HYAL4: variants seen among roughly 807,000 people sequenced by gnomAD.
HYAL4 encodes the protein hyaluronidase 4.
HYAL4 carries 37 observed loss-of-function variants against 35.2 expected under a neutral mutation model. The ratio of observed to expected loss-of-function variants is 1.05; its 90% CI spans 0.81 to 1.38. HYAL4 has a LOEUF of 1.38. HYAL4 is among the 40% of genes most tolerant of loss of function. The probability of loss-of-function intolerance (pLI) is 0.00; values close to 1 mark genes in which losing one functional copy is unlikely to be tolerated. For missense variants in HYAL4, 572 were observed against 572.4 expected (o/e 1.00, Z 0.01); for synonymous variants, 198 against 203.2 (o/e 0.97, Z 0.22).
upstream of HYAL4, among the ~76,000 whole-genome samples, chr7:123,828,465 T>G (rs1165332986): frequency 1.0e-5 from 1 of 96,714 alleles, no homozygotes; most frequent in Non-Finnish European, 2.4e-5. Context: ...CACACACACC[T>G]CTAAAAACTT....
At chr7:123,834,284 T>A (rs1487987671) in intron 1 of HYAL4, among the ~76,000 whole-genome samples, 1 of 152,194 alleles carries the variant, frequency 6.6e-6, no homozygotes, top group African/African-American at 2.4e-5. Context: ...TAATTTTCCT[T>A]GTAGAGGTCT....
chr7:123,860,919 G>T (rs1412832372), intron 2 of HYAL4, among the ~76,000 whole-genome samples: 2 of 152,114 alleles, frequency 1.3e-5, no homozygotes, highest in African/African-American at 2.4e-5. Context: ...ATAGATGATA[G>T]GTTGCCATTT....
At chr7:123,857,693 C>CTTTGTTTGTTTG (rs1472434512) in intron 2 of HYAL4, among the ~76,000 whole-genome samples, 2 of 124,354 alleles carry the variant, frequency 1.6e-5, no homozygotes, top group East Asian at 4.0e-4. Flanking sequence ...TTCTTTCTTT[C>CTTTGTTTGTTTG]TTTCTTTCTT....
the HYAL4 span, among the ~76,000 whole-genome samples, chr7:123,764,479 C>T: frequency 6.6e-6 from 1 of 152,064 alleles, no homozygotes; most frequent in South Asian, 2.1e-4. Context: ...TACATGTCCC[C>T]GAATATGTAT....
chr7:123,810,441 T>C, the HYAL4 span, among the ~76,000 whole-genome samples: 1 of 152,210 alleles, frequency 6.6e-6, no homozygotes, highest in African/African-American at 2.4e-5. Context: ...GTTTCTAGGA[T>C]TTTCTATTAC....
At chr7:123,812,491 A>G in the HYAL4 span, among the ~76,000 whole-genome samples, 1,868 of 152,282 alleles carry the variant, frequency 0.012, 34 homozygotes, top group African/African-American at 0.043. Flanking sequence ...TAATTTTTCC[A>G]TAGGCTAGCT....
Position 123,871,228 on chromosome 7 carries a change from G to C in HYAL4, c.954+2001G>C, listed in dbSNP as rs190465221. 2.3e-4 allele frequency among the ~76,000 whole-genome samples: 33 copies of C among 144,342 alleles called. No individual in the cohort carries two copies. The East Asian group carries it at 5.3e-3, about 23-fold the overall frequency. 94.7% of individuals were successfully genotyped at this position (144,342 alleles called of 152,430 possible). ...TTTTTTTTAGATGGAGTTTCCCTCT[G>C]TCTCCCAGGCTGGAGTGCAGTGGCG... On this transcript the variant is annotated intron_variant, in intron 3 of 4. Transcript: ENST00000223026.
At chr7:123,833,691 C>T (rs1232920980) in intron 1 of HYAL4, among the ~76,000 whole-genome samples, 1 of 152,012 alleles carries the variant, frequency 6.6e-6, no homozygotes, top group Non-Finnish European at 1.5e-5. Flanking sequence ...CCAATGTTAT[C>T]TTCTGGAATT....
chr7:123,789,295 A>G, the HYAL4 span, among the ~76,000 whole-genome samples: 1 of 152,326 alleles, frequency 6.6e-6, no homozygotes, highest in Admixed American at 6.5e-5. Flanking sequence ...ATTTTCAGCT[A>G]GAGGAATTGA....
intron 2 of HYAL4, among the ~76,000 whole-genome samples, chr7:123,864,049 T>C (rs908983053): frequency 2.0e-5 from 3 of 152,170 alleles, no homozygotes; most frequent in African/African-American, 7.2e-5. Context: ...GGTGAGGTGC[T>C]TGAGCCGACC....
upstream of HYAL4, among the ~76,000 whole-genome samples, chr7:123,840,547 G>A (rs2116915342): frequency 6.6e-6 from 1 of 152,068 alleles, no homozygotes; most frequent in South Asian, 2.1e-4. Flanking sequence ...GCTTGATGGG[G>A]ATGGCATTGA....
intron 3 of HYAL4, among the ~76,000 whole-genome samples, chr7:123,870,702 G>A (rs1806854850): frequency 6.6e-6 from 1 of 151,410 alleles, no homozygotes; most frequent in Non-Finnish European, 1.5e-5. Flanking sequence ...AGAGGTTGCA[G>A]TGAGCCGAGA....
At chr7:123,849,088 A>G (rs1806238020) in intron 2 of HYAL4, among the ~76,000 whole-genome samples, 1 of 152,228 alleles carries the variant, frequency 6.6e-6, no homozygotes, top group Non-Finnish European at 1.5e-5. Context: ...AAATCATTCA[A>G]CCTGTTAAAG....
At chr7:123,771,763 C>T in the HYAL4 span, among the ~76,000 whole-genome samples, 8 of 147,766 alleles carry the variant, frequency 5.4e-5, 1 homozygote, top group Admixed American at 5.4e-4. Context: ...ATGAGATTAG[C>T]GTTTGTTTTC....
chr7:123,798,220 C>T, the HYAL4 span, among the ~76,000 whole-genome samples: 1 of 152,162 alleles, frequency 6.6e-6, no homozygotes, highest in Non-Finnish European at 1.5e-5. Context: ...TGTTTAAAGT[C>T]ACTCTTGTGT....
At chr7:123,871,134 GT>G (rs1806870397) in intron 3 of HYAL4, among the ~76,000 whole-genome samples, 1 of 150,510 alleles carries the variant, frequency 6.6e-6, no homozygotes, top group African/African-American at 2.4e-5. Context: ...ATTTCCAAGT[GT>G]TTTAAACTAT....
chr7:123,840,398 T>C (rs1252965919), upstream of HYAL4, among the ~76,000 whole-genome samples: 8 of 152,186 alleles, frequency 5.3e-5, no homozygotes, highest in East Asian at 1.9e-4. Context: ...AGCCTTGTAG[T>C]ATAGTTTGAA....
At chr7:123,830,038 A>G (rs896352893) in intron 1 of HYAL4, among the ~76,000 whole-genome samples, 4 of 152,234 alleles carry the variant, frequency 2.6e-5, no homozygotes, top group Non-Finnish European at 5.9e-5. Context: ...TTCTTGGAAT[A>G]GGGAATAGCA....
At chr7:123,874,577 T>G (rs1252233830) in intron 3 of HYAL4, among the ~76,000 whole-genome samples, 184 bp from the exon 4 acceptor site, 3 of 152,142 alleles carry the variant, frequency 2.0e-5, no homozygotes, top group African/African-American at 7.2e-5. Context: ...TAATTTTTTT[T>G]TGTATTTTCA....
Sources: gnomAD v4.1 joint callset for allele counts (sites outside exome capture counted in the v4.1 genomes callset) on GRCh38, gnomAD v4.1.1 for gene constraint, MANE v1.5 for transcripts, NCBI Gene and HGNC (gene_info 2026-07-23, HGNC 2026-07-21) for gene names.